Variants in ESRRG observed in about 807,000 individuals in gnomAD.
ESRRG encodes estrogen-related receptor gamma.
A neutral mutation model predicts 44.0 loss-of-function variants in ESRRG; 13 were observed. The ratio of observed to expected loss-of-function variants is 0.30; its 90% confidence interval spans 0.19 to 0.47. The LOEUF is 0.47. Ranked by LOEUF, ESRRG falls within the 20% of genes least tolerant of loss-of-function variation. The probability of loss-of-function intolerance (pLI) is 1.00; values close to 1 mark genes in which losing one functional copy is unlikely to be tolerated. For missense variants in ESRRG, 395 were observed against 580.6 expected, an observed-to-expected ratio of 0.68 and a Z score of 3.29; for synonymous variants, 215 against 214.6, an observed-to-expected ratio of 1.00 and a Z score of -0.02.
At chr1:216,742,858 T>TA (rs1015656419) in intron 2 of ESRRG, among the ~76,000 whole-genome samples, 53 of 150,456 alleles carry the variant, frequency 3.5e-4, no homozygotes, top group African/African-American at 8.1e-4. Flanking sequence ...CCCAGACAAT[T>TA]AAAAAAACCC....
chr1:217,016,150 A>G (rs765572881), intron 1 of ESRRG, among the ~76,000 whole-genome samples: 1 of 152,126 alleles, frequency 6.6e-6, no homozygotes, highest in Non-Finnish European at 1.5e-5. Flanking sequence ...TGTGAGAATA[A>G]AATTCAATTG....
intron 3 of ESRRG, among the ~76,000 whole-genome samples, chr1:216,585,194 G>A (rs191878551): frequency 6.6e-5 from 10 of 152,186 alleles, no homozygotes; most frequent in South Asian, 2.1e-4. Flanking sequence ...TGAGTATTAC[G>A]GATTTTGTTT....
chr1:217,050,038 G>A (rs568578579), intron 1 of ESRRG, among the ~76,000 whole-genome samples: 1 of 152,272 alleles, frequency 6.6e-6, no homozygotes, highest in African/African-American at 2.4e-5. Flanking sequence ...TATCCACAAG[G>A]AGCAAACGTC....
intron 1 of ESRRG, among the ~76,000 whole-genome samples, chr1:217,128,175 C>CTTCT (rs777905238): frequency 6.6e-6 from 1 of 152,214 alleles, no homozygotes; most frequent in Non-Finnish European, 1.5e-5. Flanking sequence ...CACCATAAGT[C>CTTCT]TTCTTACTCA....
At chr1:217,091,192 C>T (rs145629417), upstream of ESRRG, among the ~76,000 whole-genome samples, 12 of 152,136 alleles carry the variant, frequency 7.9e-5, no homozygotes, top group Non-Finnish European at 1.0e-4. Context: ...TTATTTTCAC[C>T]GAGCCTGTAG....
chr1:217,132,697 G>A (rs1239293059), intron 1 of ESRRG, among the ~76,000 whole-genome samples: 5 of 151,998 alleles, frequency 3.3e-5, no homozygotes, highest in Non-Finnish European at 5.9e-5. Flanking sequence ...CCAATTCCAC[G>A]TGCATGGACA....
At chr1:216,548,762 A>T (rs1349259163) in intron 5 of ESRRG, among the ~76,000 whole-genome samples, 1 of 152,066 alleles carries the variant, frequency 6.6e-6, no homozygotes, top group Non-Finnish European at 1.5e-5. Context: ...CGTATTCCCC[A>T]ATAGACTCTA....
At chr1:217,051,935 T>C (rs2086130141) in intron 1 of ESRRG, among the ~76,000 whole-genome samples, 2 of 151,486 alleles carry the variant, frequency 1.3e-5, no homozygotes, top group African/African-American at 4.9e-5. Context: ...AGATAATTAT[T>C]TATTTATTTA....
chr1:217,135,406 T>C (rs1207327825), intron 1 of ESRRG, among the ~76,000 whole-genome samples: 1 of 152,074 alleles, frequency 6.6e-6, no homozygotes, highest in Non-Finnish European at 1.5e-5. Flanking sequence ...GGGTAAGAGA[T>C]ACAGCGAAAT....
intron 1 of ESRRG, among the ~76,000 whole-genome samples, chr1:216,974,336 C>T (rs1193779119): frequency 6.6e-6 from 1 of 152,082 alleles, no homozygotes; most frequent in Non-Finnish European, 1.5e-5. Flanking sequence ...TCACATATAT[C>T]CCAAAATACA....
chr1:217,040,017 C>T (rs1485366697), intron 1 of ESRRG, among the ~76,000 whole-genome samples: 7 of 152,128 alleles, frequency 4.6e-5, no homozygotes, highest in Admixed American at 4.6e-4. Context: ...ACACACACCA[C>T]ACACAAGAGC....
rs2060659937 is a variant in ESRRG, at chr1:216,611,485, C to T, written c.589+39488G>A. ...ACACATATAAACACACTCATGCACT[C>T]ATGTGTGCACTCAGACACACATAGG... On this transcript the variant is annotated intron_variant, in intron 3 of 6. Coordinates refer to ENST00000408911, the MANE Select transcript of ESRRG (RefSeq NM_001438.4). Among the ~76,000 whole-genome samples, 3 of 152,096 alleles carry T rather than the reference C, an allele frequency of 2.0e-5. No individual in the cohort carries two copies. In the South Asian group the frequency reaches 6.2e-4, roughly 31 times the overall value.
chr1:217,033,593 A>G (rs1353642686), intron 1 of ESRRG, among the ~76,000 whole-genome samples: 1 of 152,194 alleles, frequency 6.6e-6, no homozygotes, highest in Non-Finnish European at 1.5e-5. Context: ...ATATACTAGA[A>G]GCCATGAAAT....
At chr1:217,017,417 A>G (rs991596877) in intron 1 of ESRRG, among the ~76,000 whole-genome samples, 2 of 150,840 alleles carry the variant, frequency 1.3e-5, no homozygotes, top group African/African-American at 4.9e-5. Context: ...ATCAGACACA[A>G]CTGAATCTAG....
intron 2 of ESRRG, among the ~76,000 whole-genome samples, chr1:216,925,620 G>A (rs1191324301): frequency 2.0e-5 from 3 of 151,896 alleles, no homozygotes; most frequent in African/African-American, 4.8e-5. Flanking sequence ...TTTTGGGGTG[G>A]GGGCGGAATG....
intron 3 of ESRRG, among the ~76,000 whole-genome samples, chr1:216,624,386 C>T (rs1430478861): frequency 1.3e-5 from 2 of 152,114 alleles, no homozygotes; most frequent in Non-Finnish European, 2.9e-5. Context: ...CAAAATATCC[C>T]AGAGGTAAGA....
intron 2 of ESRRG, among the ~76,000 whole-genome samples, chr1:216,806,469 GGTT>G (rs748612805): frequency 1.1e-4 from 16 of 152,158 alleles, no homozygotes; most frequent in Non-Finnish European, 2.1e-4. Context: ...AAAACAAAAA[GGTT>G]GTACGAAAGG....
chr1:216,753,158 A>T (rs1470447946), intron 2 of ESRRG, among the ~76,000 whole-genome samples: 1 of 149,440 alleles, frequency 6.7e-6, no homozygotes, highest in East Asian at 1.9e-4. Flanking sequence ...GCAAAGGACC[A>T]TATATCTATA....
intron 1 of ESRRG, among the ~76,000 whole-genome samples, chr1:217,036,779 A>G (rs948684240): frequency 6.6e-6 from 1 of 152,042 alleles, no homozygotes; most frequent in African/African-American, 2.4e-5. Flanking sequence ...AATTTTACCT[A>G]TGTAACAAAC....
Sources: gnomAD v4.1 joint callset for allele counts (sites outside exome capture counted in the v4.1 genomes callset) on GRCh38, gnomAD v4.1.1 for gene constraint, MANE v1.5 for transcripts, NCBI Gene and HGNC (gene_info 2026-07-23, HGNC 2026-07-21) for gene names.